Variants in RABL2A observed in about 807,000 individuals in gnomAD.
RABL2A encodes rab-like protein 2A.
RABL2A carries 17 observed loss-of-function variants against 30.7 expected under a neutral mutation model. That is an observed-to-expected ratio of 0.55 (90% CI 0.38 to 0.83). The LOEUF is 0.83. Ranked by LOEUF, RABL2A falls within the 40% of genes least tolerant of loss-of-function variation. The pLI, the probability that RABL2A is intolerant of heterozygous loss-of-function variation, is 0.00. For missense variants in RABL2A, 155 were observed against 272.6 expected (o/e 0.57, Z 3.04); for synonymous variants, 64 against 101.8 (o/e 0.63, Z 2.24).
chr2:113,632,562 G>A (rs1049274224), intron 2 of RABL2A, among the ~76,000 whole-genome samples: 8 of 152,252 alleles, frequency 5.3e-5, no homozygotes, highest in African/African-American at 1.7e-4. Context: ...CACCGCGCCC[G>A]ACCGGGAAAT....
intron 2 of RABL2A, 85 bp downstream of exon 2, chr2:113,628,798 G>C: frequency 2.9e-6 from 2 of 697,034 alleles, no homozygotes; most frequent in Non-Finnish European, 4.9e-6. Context: ...GAGGAGCATG[G>C]CTTCTTGGGG....
intron 5 of RABL2A, chr2:113,637,623 A>G (rs1469777132): frequency 8.2e-7 from 1 of 1,214,452 alleles, no homozygotes; most frequent in African/African-American, 1.6e-5. Context: ...GAAAAATTCC[A>G]AAAGCTTTAA....
Position 113,634,134 on chromosome 2 carries a change from C to T in RABL2A, c.138-19C>T. ...CTTACCTCCCCTTTTATTGATTTTG[C>T]TCCTTAACCTGAGTGCAGTCAGCCA... On this transcript the variant is annotated intron_variant, in intron 3 of 8. Coordinates refer to ENST00000683472, the MANE Select transcript of RABL2A (RefSeq NM_001306158.2). 6.2e-7 allele frequency: 1 copy of T among 1,601,024 alleles called. No individual in the cohort carries two copies. Among genetic ancestry groups the T allele is most frequent in the Non-Finnish European group, 8.5e-7 (1 of 1,173,676 alleles).
intron 5 of RABL2A, chr2:113,637,545 T>C: frequency 3.3e-6 from 4 of 1,202,888 alleles, no homozygotes; most frequent in Non-Finnish European, 4.2e-6. Context: ...TTCTGACCCT[T>C]TGCAGATGGT....
At chr2:113,639,739 C>G (rs1684389603) in intron 5 of RABL2A, among the ~76,000 whole-genome samples, 1 of 151,900 alleles carries the variant, frequency 6.6e-6, no homozygotes, top group South Asian at 2.1e-4. Context: ...ACCTGTAGTC[C>G]CAGCTACTGA....
intron 5 of RABL2A, chr2:113,638,480 T>G: frequency 1.0e-6 from 1 of 985,452 alleles, no homozygotes; most frequent in Non-Finnish European, 1.2e-6. Flanking sequence ...GTGAAGGGCA[T>G]GAAGGCTCAC....
intron 5 of RABL2A, among the ~76,000 whole-genome samples, chr2:113,636,897 G>A (rs1247401542): frequency 5.3e-5 from 8 of 152,048 alleles, no homozygotes; most frequent in African/African-American, 1.9e-4. Context: ...GCTGAGGCAG[G>A]AGAATGGCGT....
intron 5 of RABL2A, among the ~76,000 whole-genome samples, chr2:113,639,673 C>T (rs540826888): frequency 9.5e-5 from 14 of 147,496 alleles, no homozygotes; most frequent in South Asian, 2.2e-4. Flanking sequence ...CTGGCCAACA[C>T]GGCAAAACCC....
intron 2 of RABL2A, 70 bp from the exon 3 acceptor site, chr2:113,632,845 A>T: frequency 6.2e-7 from 1 of 1,613,366 alleles, no homozygotes; most frequent in South Asian, 1.1e-5. Flanking sequence ...TGTCAGCCTT[A>T]GGGTGAAAAA....
At chr2:113,637,393 C>T in intron 5 of RABL2A, 1 of 1,044,834 alleles carries the variant, frequency 9.6e-7, no homozygotes, top group Non-Finnish European at 1.2e-6. Context: ...CTGATCCCTT[C>T]CACAACATGG....
In RABL2A at chr2:113,634,972, G is replaced by C. The variant is rs1469490497; in HGVS notation, c.218-79G>C. 2.6e-6 allele frequency: 4 copies of C among 1,567,572 alleles called. No homozygotes were observed. The Admixed American group carries it at 6.7e-5, about 26-fold the overall frequency. ...TACACTCACACATGTGCTGTGGTTT[G>C]TGCCGCATGTGTGTTGTATCTTAGT... On this transcript the variant is annotated intron_variant, in intron 4 of 8. Transcript: ENST00000683472.
intron 4 of RABL2A, 22 bp downstream of exon 4, chr2:113,634,254 C>T (rs1208026518): frequency 6.2e-7 from 1 of 1,601,390 alleles, no homozygotes; most frequent in Admixed American, 1.7e-5. Flanking sequence ...AGGGCCAAGA[C>T]ATGCTGACCC....
chr2:113,639,048 C>T (rs527853709), intron 5 of RABL2A, among the ~76,000 whole-genome samples: 333 of 152,236 alleles, frequency 2.2e-3, no homozygotes, highest in African/African-American at 6.7e-3. Flanking sequence ...TTTGGGAGGC[C>T]GAGGCAGGAG....
At position 113,642,369 on chromosome 2, in the gene RABL2A, T is replaced by C; in HGVS notation, c.*240T>C. 1.0e-6 allele frequency: 1 copy of C among 958,146 alleles called. No homozygotes were observed. Among genetic ancestry groups the C allele is most frequent in the Non-Finnish European group, 1.5e-6 (1 of 664,382 alleles). 59.4% of individuals were successfully genotyped at this position (958,146 alleles called of 1,614,324 possible). A position where few individuals can be genotyped will look rare whatever the true frequency, so the allele number is the denominator to read the frequency against. On this transcript the variant is annotated 3_prime_UTR_variant, in exon 9 of 9. Coordinates refer to ENST00000683472, the MANE Select transcript of RABL2A (RefSeq NM_001306158.2). ...CTTGAAGCAGAATTAGGGATCAGCA[T>C]CATTAACACCTTCCCCACCCCCTCC...
rs769492237 is a variant in RABL2A, at chr2:113,635,077, C to T, written c.244C>T (p.Arg82Trp). Residue 82 changes from arginine (R) to tryptophan (W), a missense_variant, in exon 5 of 9, where the codon CGG becomes TGG. This residue lies in a region of RABL2A where 82 missense variants were observed against 103.2 expected (regional missense o/e 0.79). Transcript: ENST00000683472. ...CTTTTGGGACACGGCAGGCCAGGAGCGGTTCCAGAGCATGCATGCCTCCTA... is the reference window on the plus strand; with the variant it reads ...CTTTTGGGACACGGCAGGCCAGGAGTGGTTCCAGAGCATGCATGCCTCCTA... ...VDFWDTAGQE[R>W]FQSMHASYYH... 31 of 1,614,098 alleles carry T rather than the reference C, an allele frequency of 1.9e-5. No homozygotes were observed. In the East Asian group the frequency reaches 4.5e-4, roughly 23 times the overall value.
chr2:113,640,544 T>G (rs1325193312), intron 5 of RABL2A: 2 of 303,132 alleles, frequency 6.6e-6, no homozygotes, highest in Non-Finnish European at 1.3e-5. Flanking sequence ...CCCAGCTAAT[T>G]TTTTGCATTT....
intron 2 of RABL2A, among the ~76,000 whole-genome samples, chr2:113,631,598 G>GT (rs1454954127): frequency 3.2e-4 from 48 of 152,302 alleles, no homozygotes; most frequent in African/African-American, 1.2e-3. Flanking sequence ...GGCCTGCTCT[G>GT]TTTTTGAGCT....
In RABL2A at chr2:113,642,519, C is replaced by T. The variant is rs1193324823; in HGVS notation, c.*390C>T. 2 of 292,602 alleles carry T rather than the reference C, an allele frequency of 6.8e-6. No homozygotes were observed. The highest frequency in any genetic ancestry group is 9.8e-5 in the Admixed American group (2 of 20,340). The allele number at this position is 292,602 out of a possible 1,614,324, so 18.1% of individuals were successfully genotyped here. The stretch of plus-strand genomic sequence containing the variant: ...CCAAAGCTCACCTCGGGGACAATTC[C>T]TTGGGCTTCTCCTGAGGTAATGATT... On this transcript the variant is annotated 3_prime_UTR_variant, in exon 9 of 9. Coordinates refer to ENST00000683472, the MANE Select transcript of RABL2A (RefSeq NM_001306158.2).
chr2:113,638,848 C>T (rs1448072292), intron 5 of RABL2A, among the ~76,000 whole-genome samples: 18 of 151,658 alleles, frequency 1.2e-4, no homozygotes, highest in South Asian at 1.0e-3. Context: ...GCCAAGATAC[C>T]GCCACTGCAC....
Sources: gnomAD v4.1 joint callset for allele counts (sites outside exome capture counted in the v4.1 genomes callset) on GRCh38, gnomAD v4.1.1 for gene constraint, gnomAD v4.1.1 regional missense constraint, MANE v1.5 for transcripts, NCBI Gene and HGNC (gene_info 2026-07-23, HGNC 2026-07-21) for gene names.